IL4R: variants seen among roughly 807,000 people sequenced by gnomAD.
IL4R encodes interleukin-4 receptor subunit alpha.
IL4R carries 17 observed loss-of-function variants against 41.5 expected under a neutral mutation model. The ratio of observed to expected loss-of-function variants is 0.41; its 90% confidence interval spans 0.28 to 0.61. IL4R has a LOEUF of 0.61. Ranked by LOEUF, IL4R falls within the 20% of genes least tolerant of loss-of-function variation. The probability of loss-of-function intolerance (pLI) is 0.31; values close to 1 mark genes in which losing one functional copy is unlikely to be tolerated. For missense variants in IL4R, 974 were observed against 1,043.1 expected (o/e 0.93, Z 0.91); for synonymous variants, 402 against 422.9 (o/e 0.95, Z 0.61).
chr16:27,313,868 TGCCG>T (rs1329155200), upstream of IL4R: 2 of 969,946 alleles, frequency 2.1e-6, no homozygotes, highest in African/African-American at 1.8e-5. Context: ...CATGCAAATC[TGCCG>T]GGCGCCGGGG....
intron 1 of IL4R, among the ~76,000 whole-genome samples, chr16:27,323,992 C>G (rs1214234503): frequency 6.6e-6 from 1 of 152,116 alleles, no homozygotes; most frequent in Non-Finnish European, 1.5e-5. Flanking sequence ...GAGACTGGTA[C>G]AACCAATGCC....
At chr16:27,347,972 C>T (rs1171505780) in intron 6 of IL4R, among the ~76,000 whole-genome samples, 1 of 152,146 alleles carries the variant, frequency 6.6e-6, no homozygotes, top group Non-Finnish European at 1.5e-5. Flanking sequence ...TCCCCATCTG[C>T]CCGCTGTCCC....
At chr16:27,344,173 C>T (rs951020049) in intron 4 of IL4R, among the ~76,000 whole-genome samples, 12 of 151,920 alleles carry the variant, frequency 7.9e-5, no homozygotes, top group Admixed American at 5.9e-4. Flanking sequence ...GGTGTAGTGG[C>T]GCACACCTGT....
intron 2 of IL4R, among the ~76,000 whole-genome samples, chr16:27,331,791 C>T (rs1167824033): frequency 6.6e-6 from 1 of 151,910 alleles, no homozygotes; most frequent in East Asian, 1.9e-4. Flanking sequence ...CTATTATTAT[C>T]CAATAATAGT....
At chr16:27,346,377 G>T (rs1293590861) in intron 5 of IL4R, 90 bp from the exon 6 acceptor site, 12 of 1,354,566 alleles carry the variant, frequency 8.9e-6, no homozygotes, top group African/African-American at 1.4e-5. Flanking sequence ...CAAAAATCTG[G>T]GTGGTGGCTG....
intron 4 of IL4R, among the ~76,000 whole-genome samples, chr16:27,342,972 C>A (rs959759901): frequency 1.3e-5 from 2 of 152,138 alleles, no homozygotes; most frequent in Admixed American, 6.5e-5. Context: ...ACCTGGTGGG[C>A]CCAGACCACA....
Position 27,345,039 on chromosome 16 carries a change from G to T in IL4R, c.361+19G>T. On this transcript the variant is annotated intron_variant, in intron 5 of 10. Coordinates refer to ENST00000395762, the MANE Select transcript of IL4R (RefSeq NM_000418.4). This position sits in a 1 kb window ranked among gnomAD's most constrained non-coding sequence, Gnocchi z 4.5. The stretch of plus-strand genomic sequence containing the variant: ...GAGCATGGTGAGCAGGGCGGAGTGC[G>T]GCAGGGGTGGCTGGGTGTGTTCCCA... The T allele has an allele frequency of 6.2e-7, 1 of 1,607,994 alleles. No homozygotes were observed. Among genetic ancestry groups the T allele is most frequent in the Non-Finnish European group, 8.5e-7 (1 of 1,178,108 alleles).
At chr16:27,318,457 A>G (rs1490897611) in intron 1 of IL4R, among the ~76,000 whole-genome samples, 1 of 152,164 alleles carries the variant, frequency 6.6e-6, no homozygotes, top group Non-Finnish European at 1.5e-5. Flanking sequence ...GATGAGGAAG[A>G]GAGGGCCAGG....
At chr16:27,361,161 C>A in intron 10 of IL4R, 2 of 576,920 alleles carry the variant, frequency 3.5e-6, no homozygotes, top group Non-Finnish European at 4.9e-6. Flanking sequence ...TTTTAATATA[C>A]AGGATCTCAC....
At chr16:27,328,571 TTAATA>T (rs1429351832) in intron 1 of IL4R, among the ~76,000 whole-genome samples, 7 of 152,182 alleles carry the variant, frequency 4.6e-5, no homozygotes, top group African/African-American at 1.7e-4. Flanking sequence ...ATTCATTCAT[TTAATA>T]TATGTTTATT....
At chr16:27,347,251 C>T (rs141173873) in intron 6 of IL4R, among the ~76,000 whole-genome samples, 6 of 152,250 alleles carry the variant, frequency 3.9e-5, no homozygotes, top group East Asian at 3.9e-4. Flanking sequence ...AACACAGTGG[C>T]GTGATCTTGG....
At chr16:27,334,254 C>G (rs561893616) in intron 2 of IL4R, 83 of 152,234 alleles carry the variant, frequency 5.5e-4, no homozygotes, top group African/African-American at 1.9e-3. Context: ...GATAACCTGG[C>G]ACTTATCTTT....
intron 6 of IL4R, among the ~76,000 whole-genome samples, chr16:27,350,158 A>T (rs1567326607): frequency 6.6e-6 from 1 of 152,218 alleles, no homozygotes; most frequent in Non-Finnish European, 1.5e-5. Context: ...CCTTCTTGTT[A>T]AAAAACAGAC....
chr16:27,338,395 T>C (rs767711656), intron 2 of IL4R, among the ~76,000 whole-genome samples: 42 of 152,046 alleles, frequency 2.8e-4, no homozygotes, highest in Admixed American at 1.1e-3. Flanking sequence ...TTTTGTTTAA[T>C]TTTTGTAGAG....
chr16:27,362,453 C>G lies in IL4R; in HGVS notation c.1101C>G (p.Ala367=), dbSNP rs2086330248. 3 of 1,613,982 alleles carry G rather than the reference C, an allele frequency of 1.9e-6. No homozygotes were observed. In the East Asian group the frequency reaches 6.7e-5, roughly 36 times the overall value. Residue 367 remains alanine (A), a synonymous_variant, in exon 11 of 11, where the codon GCC becomes GCG. Transcript: ENST00000395762. ...TGCGATGTGTGGAGTTGTTTGAGGC[C>G]CCGGTGGAGTGTGAGGAGGAGGAGG... is the stretch of plus-strand genomic sequence containing the variant. The part of the protein sequence containing the change: ...SVVRCVELFE[A]PVECEEEEEV...
intron 7 of IL4R, among the ~76,000 whole-genome samples, chr16:27,354,690 G>A (rs1251543676): frequency 1.3e-5 from 2 of 152,220 alleles, no homozygotes; most frequent in Non-Finnish European, 2.9e-5. Flanking sequence ...TGTATAATGG[G>A]AGGAGTAAGG....
intron 1 of IL4R, among the ~76,000 whole-genome samples, chr16:27,323,214 T>C (rs1175241196): frequency 6.6e-6 from 1 of 152,260 alleles, no homozygotes; most frequent in Non-Finnish European, 1.5e-5. Context: ...CTGGTCATTG[T>C]TGAGACAAGT....
In IL4R at chr16:27,362,486, G is replaced by A. The variant is rs760989912; in HGVS notation, c.1134G>A (p.Glu378=). 28 of 1,614,092 alleles carry A rather than the reference G, an allele frequency of 1.7e-5. 1 individual carries two copies. In the South Asian group the frequency reaches 3.1e-4, roughly 18 times the overall value. Reference sequence around the variant, plus strand: ...AGTGTGAGGAGGAGGAGGAGGTAGAGGAAGAAAAAGGGAGCTTCTGTGCAT... The same window carrying A: ...AGTGTGAGGAGGAGGAGGAGGTAGAAGAAGAAAAAGGGAGCTTCTGTGCAT... ...PVECEEEEEV[E]EEKGSFCASP... The change falls in exon 11 of 11, where the codon GAG becomes GAA. Residue 378 remains glutamate (E), a synonymous_variant. Coordinates refer to ENST00000395762, the MANE Select transcript of IL4R (RefSeq NM_000418.4).
chr16:27,343,956 C>A lies in IL4R; in HGVS notation c.210-913C>A, dbSNP rs1003576907. Reference sequence around the variant, plus strand: ...ACGGACCCACCAGAACCCCAGACTTCACCACTAGGCAGCATATCCAGTGAG... The same window carrying A: ...ACGGACCCACCAGAACCCCAGACTTAACCACTAGGCAGCATATCCAGTGAG... On this transcript the variant is annotated intron_variant, in intron 4 of 10. Transcript: ENST00000395762. Among the ~76,000 whole-genome samples the A allele has an allele frequency of 3.3e-5, 5 of 152,252 alleles. No homozygotes were observed. In the East Asian group the frequency reaches 7.7e-4, roughly 23 times the overall value.
Sources: allele counts gnomAD v4.1 joint callset (sites outside exome capture counted in the v4.1 genomes callset), GRCh38; gene constraint gnomAD v4.1.1; non-coding constraint Gnocchi (gnomAD v3.1); transcripts MANE v1.5; gene names NCBI Gene and HGNC (gene_info 2026-07-23, HGNC 2026-07-21).